Variants in YPEL2 observed in about 807,000 individuals in gnomAD.
The protein encoded by YPEL2 is protein yippee-like 2.
Under a neutral mutation model 19.1 loss-of-function variants are expected in YPEL2, and 2 were observed. The ratio of observed to expected loss-of-function variants is 0.10; its 90% CI spans 0.04 to 0.33. The LOEUF is 0.33. Ranked by LOEUF, YPEL2 falls within the 10% of genes least tolerant of loss-of-function variation. The pLI, the probability that YPEL2 is intolerant of heterozygous loss-of-function variation, is 1.00. For synonymous variants in YPEL2, 52 were observed against 50.0 expected (o/e 1.04, Z -0.17); for missense variants, 66 against 140.7 (o/e 0.47, Z 2.68).
chr17:59,340,713 C>CT, intron 1 of YPEL2, among the ~76,000 whole-genome samples: 1 of 151,336 alleles, frequency 6.6e-6, no homozygotes, highest in East Asian at 2.0e-4. Flanking sequence ...CCGCACCCAG[C>CT]CGAACTTTTT....
chr17:59,358,743 G>T (rs181018458), intron 2 of YPEL2, among the ~76,000 whole-genome samples: 4 of 152,182 alleles, frequency 2.6e-5, no homozygotes, highest in Non-Finnish European at 5.9e-5. Flanking sequence ...CTGCGTAGCT[G>T]GGATTATAGG....
intron 1 of YPEL2, among the ~76,000 whole-genome samples, chr17:59,332,057 C>T (rs948395372): frequency 2.0e-5 from 3 of 151,972 alleles, no homozygotes; most frequent in Non-Finnish European, 4.4e-5. Context: ...CCCGCGGCCG[C>T]TCGCGGAGGG....
intron 1 of YPEL2, among the ~76,000 whole-genome samples, chr17:59,349,358 CTTTTTTTTT>C (rs58304283): frequency 1.7e-5 from 2 of 119,222 alleles, no homozygotes; most frequent in South Asian, 2.9e-4. Context: ...CCTTTTTTTT[CTTTTTTTTT>C]TTTTTTTTTT....
intron 1 of YPEL2, among the ~76,000 whole-genome samples, chr17:59,337,757 G>T (rs1295471632): frequency 6.6e-6 from 1 of 152,068 alleles, no homozygotes; most frequent in African/African-American, 2.4e-5. Flanking sequence ...TATATACTGG[G>T]TTGGGCATTA....
chr17:59,344,391 A>G (rs573641704), intron 1 of YPEL2, among the ~76,000 whole-genome samples: 1 of 152,330 alleles, frequency 6.6e-6, no homozygotes, highest in African/African-American at 2.4e-5. Flanking sequence ...GAATCCAGAG[A>G]AACACAGTAA....
At chr17:59,348,445 C>T (rs934628963) in intron 1 of YPEL2, among the ~76,000 whole-genome samples, 1 of 152,184 alleles carries the variant, frequency 6.6e-6, no homozygotes, top group Non-Finnish European at 1.5e-5. Flanking sequence ...TGAGTTCCAG[C>T]GGCAGTTACT....
chr17:59,339,083 C>T (rs947901237), intron 1 of YPEL2, among the ~76,000 whole-genome samples: 2 of 151,680 alleles, frequency 1.3e-5, no homozygotes, highest in African/African-American at 4.8e-5. Flanking sequence ...TGCCCCTACA[C>T]GTCATCCAGG....
intron 1 of YPEL2, among the ~76,000 whole-genome samples, chr17:59,349,876 G>A (rs1249148162): frequency 6.6e-6 from 1 of 151,652 alleles, no homozygotes; most frequent in Non-Finnish European, 1.5e-5. Context: ...GGCCAGGATG[G>A]TCTCAATCTC....
At chr17:59,372,377 G>T (rs115878524) in intron 2 of YPEL2, among the ~76,000 whole-genome samples, 3 of 152,066 alleles carry the variant, frequency 2.0e-5, no homozygotes, top group Non-Finnish European at 4.4e-5. Flanking sequence ...TGCTAATTGA[G>T]TCCCTCTCTA....
intron 1 of YPEL2, among the ~76,000 whole-genome samples, chr17:59,349,981 C>T (rs2047779948): frequency 6.6e-6 from 1 of 152,120 alleles, no homozygotes; most frequent in Admixed American, 6.6e-5. Context: ...CTTGATCCTG[C>T]TTCTCCTTGC....
intron 2 of YPEL2, among the ~76,000 whole-genome samples, chr17:59,382,340 C>G (rs1286727681): frequency 6.6e-6 from 1 of 151,516 alleles, no homozygotes; most frequent in African/African-American, 2.4e-5. Context: ...TGCCTTAGGG[C>G]CTGGCTGGCA....
chr17:59,337,835 CTT>C (rs1343060171), intron 1 of YPEL2, among the ~76,000 whole-genome samples: 1 of 152,176 alleles, frequency 6.6e-6, no homozygotes, highest in Non-Finnish European at 1.5e-5. Context: ...AAAGGACTTG[CTT>C]TAAGACATAG....
chr17:59,347,193 A>C (rs1306664745), intron 1 of YPEL2, among the ~76,000 whole-genome samples: 1 of 152,160 alleles, frequency 6.6e-6, no homozygotes, highest in Non-Finnish European at 1.5e-5. Context: ...TATTGTCTCT[A>C]TTTTTTGTGA....
chr17:59,336,975 A>C (rs554882334), intron 1 of YPEL2, among the ~76,000 whole-genome samples: 1 of 152,322 alleles, frequency 6.6e-6, no homozygotes, highest in South Asian at 2.1e-4. Flanking sequence ...AGACTTGATT[A>C]GGCTGGGCCA....
At chr17:59,356,406 C>T (rs978580387) in intron 2 of YPEL2, 1 of 152,072 alleles carries the variant, frequency 6.6e-6, no homozygotes, top group Non-Finnish European at 1.5e-5. Flanking sequence ...CTTCAGGCTC[C>T]CTTCTATCAG....
At chr17:59,364,470 T>TC (rs2047857759) in intron 2 of YPEL2, among the ~76,000 whole-genome samples, 1 of 151,878 alleles carries the variant, frequency 6.6e-6, no homozygotes. Context: ...TCCTTCTACT[T>TC]CCCCCCTGCG....
At chr17:59,377,650 G>T (rs2047928976) in intron 2 of YPEL2, among the ~76,000 whole-genome samples, 2 of 152,208 alleles carry the variant, frequency 1.3e-5, no homozygotes, top group South Asian at 4.1e-4. Flanking sequence ...CTAACCCCAT[G>T]CCACAGACTG....
chr17:59,386,298 G>C (rs1161106516), intron 2 of YPEL2, among the ~76,000 whole-genome samples: 1 of 151,702 alleles, frequency 6.6e-6, no homozygotes, highest in Admixed American at 6.6e-5. Context: ...CTGCACTCCA[G>C]CCTGGGTGAC....
At chr17:59,350,895 CG>C (rs1406525046) in intron 1 of YPEL2, among the ~76,000 whole-genome samples, 2 of 152,124 alleles carry the variant, frequency 1.3e-5, no homozygotes, top group African/African-American at 4.8e-5. Context: ...TTGTGTAAGA[CG>C]GATGGGTCTG....
Sources: gnomAD v4.1 joint callset for allele counts (sites outside exome capture counted in the v4.1 genomes callset) on GRCh38, gnomAD v4.1.1 for gene constraint, MANE v1.5 for transcripts, NCBI Gene and HGNC (gene_info 2026-07-23, HGNC 2026-07-21) for gene names.